Variants in TRPM3 observed in about 807,000 individuals in gnomAD.
TRPM3 encodes long transient receptor potential channel 3.
Under a neutral mutation model 181.2 loss-of-function variants are expected in TRPM3, and 77 were observed. The observed-to-expected ratio is 0.42, with a 90% CI of 0.35 to 0.51. The LOEUF (loss-of-function observed/expected upper bound fraction) is 0.51, where lower values mean the gene tolerates loss of function less well. Among genes scored for constraint, TRPM3 ranks in the 20% least tolerant of loss-of-function variants. TRPM3 has a pLI of 0.01. For synonymous variants in TRPM3, 745 were observed against 796.4 expected, an observed-to-expected ratio of 0.94 and a Z score of 1.09; for missense variants, 1,759 against 2,196.7, an observed-to-expected ratio of 0.80 and a Z score of 3.98.
Position 70,560,923 on chromosome 9 carries a change from G to GTATT in TRPM3, c.3224-7617_3224-7614dup, listed in dbSNP as rs1199976897. Among the ~76,000 whole-genome samples, 12 of 152,260 alleles carry GTATT rather than the reference G, an allele frequency of 7.9e-5. No homozygotes were observed. The South Asian group carries it at 2.5e-3, about 32-fold the overall frequency. On this transcript the variant is annotated intron_variant, in intron 22 of 25. Transcript: ENST00000677713. ...ATCCTATAATATGCAGGGAAAAGAA[G>GTATT]TATTTATTTATTTAATATGCACACC...
At chr9:70,544,463 G>A (rs1185308750) in intron 25 of TRPM3, among the ~76,000 whole-genome samples, 2 of 151,938 alleles carry the variant, frequency 1.3e-5, no homozygotes, top group East Asian at 3.9e-4. Flanking sequence ...TGACATGCGG[G>A]GCCACCTGGA....
intron 1 of TRPM3, among the ~76,000 whole-genome samples, chr9:71,295,445 A>G (rs1040074277): frequency 1.1e-4 from 17 of 151,738 alleles, no homozygotes; most frequent in African/African-American, 4.1e-4. Context: ...TAACTCCATC[A>G]TGGTTTGAAA....
chr9:70,662,075 C>T (rs1321568209), intron 9 of TRPM3, among the ~76,000 whole-genome samples: 1 of 152,062 alleles, frequency 6.6e-6, no homozygotes, highest in Non-Finnish European at 1.5e-5. Context: ...AAAATAGGCA[C>T]ATAGACCAAT....
chr9:70,898,168 G>A (rs2096311268), intron 1 of TRPM3, among the ~76,000 whole-genome samples: 3 of 151,630 alleles, frequency 2.0e-5, no homozygotes, highest in Middle Eastern at 3.4e-3. Context: ...TGTCGCCCAG[G>A]CTGGAGTGCA....
intron 1 of TRPM3, among the ~76,000 whole-genome samples, chr9:71,157,717 T>G (rs1044718150): frequency 6.6e-6 from 1 of 152,140 alleles, no homozygotes; most frequent in East Asian, 1.9e-4. Flanking sequence ...ACAAAAACTA[T>G]AGAGTTTTAA....
At chr9:71,267,273 G>A (rs1173661245) in intron 1 of TRPM3, among the ~76,000 whole-genome samples, 2 of 152,006 alleles carry the variant, frequency 1.3e-5, no homozygotes, top group East Asian at 1.9e-4. Context: ...TAACACTCTG[G>A]AATATTACCT....
intron 1 of TRPM3, among the ~76,000 whole-genome samples, chr9:71,061,408 T>C (rs1477857803): frequency 1.3e-5 from 2 of 152,160 alleles, no homozygotes; most frequent in African/African-American, 4.8e-5. Context: ...CTGTTATTCC[T>C]AGAAAGTTCT....
intron 5 of TRPM3, among the ~76,000 whole-genome samples, chr9:70,834,617 C>T (rs527527018): frequency 5.3e-5 from 8 of 152,310 alleles, no homozygotes; most frequent in East Asian, 1.9e-4. Flanking sequence ...CTCTCTCTCA[C>T]GTTACTTACT....
intron 22 of TRPM3, among the ~76,000 whole-genome samples, chr9:70,576,440 C>T (rs929742046): frequency 1.3e-5 from 2 of 152,078 alleles, no homozygotes; most frequent in African/African-American, 2.4e-5. Context: ...TGACATGCTA[C>T]GCCAACTTGA....
chr9:70,889,889 A>G (rs1234686606), intron 1 of TRPM3, among the ~76,000 whole-genome samples: 1 of 149,858 alleles, frequency 6.7e-6, no homozygotes, highest in African/African-American at 2.4e-5. Flanking sequence ...CTTAGTATAT[A>G]CAGTATATAT....
At position 71,121,564 on chromosome 9, in the gene TRPM3, G is replaced by C. The variant is rs1458567848; in HGVS notation, c.-210C>G. 1 of 1,377,050 alleles carries C rather than the reference G, an allele frequency of 7.3e-7. No individual in the cohort carries two copies. Among genetic ancestry groups the C allele is most frequent in the Non-Finnish European group, 9.4e-7 (1 of 1,068,088 alleles). 85.3% of individuals were successfully genotyped at this position (1,377,050 alleles called of 1,614,324 possible). ...GGAGGGGATGCACGATTTTGAAGAA[G>C]AGGGACAGCCTGCACAAAACAGCCT... On this transcript the variant is annotated 5_prime_UTR_variant, in exon 1 of 26. Transcript: ENST00000677713.
At chr9:71,391,725 G>C (rs565490420) in intron 1 of TRPM3, among the ~76,000 whole-genome samples, 1 of 151,978 alleles carries the variant, frequency 6.6e-6, no homozygotes, top group Non-Finnish European at 1.5e-5. Context: ...CAACCATTTG[G>C]ACAAACAAAA....
intron 1 of TRPM3, among the ~76,000 whole-genome samples, chr9:71,000,858 C>T (rs1353161012): frequency 2.0e-5 from 3 of 152,216 alleles, no homozygotes; most frequent in Non-Finnish European, 4.4e-5. Flanking sequence ...ATCACAATTA[C>T]ACCATTTTCC....
intron 1 of TRPM3, among the ~76,000 whole-genome samples, chr9:71,436,298 C>CTTTTTTTTTTTTTTT (rs71352382): frequency 2.1e-4 from 16 of 77,280 alleles, no homozygotes; most frequent in African/African-American, 6.2e-4. Context: ...TTTTTTCTTT[C>CTTTTTTTTTTTTTTT]TTTTTTTTTT....
chr9:70,619,665 T>C (rs1356184776), intron 16 of TRPM3, among the ~76,000 whole-genome samples: 1 of 151,980 alleles, frequency 6.6e-6, no homozygotes, highest in African/African-American at 2.4e-5. Context: ...TCCACACACC[T>C]CAGCCTCCCA....
chr9:70,917,980 A>G (rs2096618428), intron 1 of TRPM3, among the ~76,000 whole-genome samples: 1 of 152,214 alleles, frequency 6.6e-6, no homozygotes, highest in Admixed American at 6.5e-5. Context: ...GGAAAAAAAA[A>G]AGAGAGCAGG....
chr9:70,980,622 C>CA (rs1327831494), intron 1 of TRPM3, among the ~76,000 whole-genome samples: 1 of 152,160 alleles, frequency 6.6e-6, no homozygotes, highest in Non-Finnish European at 1.5e-5. Flanking sequence ...CTGATTTACT[C>CA]ATTCTTCTGT....
In TRPM3 at chr9:71,071,380, T is replaced by C. The variant is rs6560174; in HGVS notation, c.177+49798A>G. 3.3e-3 allele frequency among the ~76,000 whole-genome samples: 499 copies of C among 152,254 alleles called. 3 individuals carry two copies. The highest frequency in any genetic ancestry group is 0.011 in the African/African-American group (476 of 41,538). On this transcript the variant is annotated intron_variant, in intron 1 of 25. Coordinates refer to ENST00000677713, the MANE Select transcript of TRPM3 (RefSeq NM_001366145.2). ...AAAGTATAGCCTGCACCTTAACTAA[T>C]AAAAATGGCTTCATATAAGATAGTG...
chr9:70,665,711 A>T (rs561949840), intron 9 of TRPM3, among the ~76,000 whole-genome samples: 1 of 152,354 alleles, frequency 6.6e-6, no homozygotes, highest in East Asian at 1.9e-4. Context: ...CTTACTTATG[A>T]CAAAAAGGAA....
Sources: allele counts gnomAD v4.1 joint callset (sites outside exome capture counted in the v4.1 genomes callset), GRCh38; gene constraint gnomAD v4.1.1; transcripts MANE v1.5; gene names NCBI Gene and HGNC (gene_info 2026-07-23, HGNC 2026-07-21).